The following TUFT1 variants were observed in gnomAD, a reference collection of about 807,000 sequenced individuals.
TUFT1 encodes the protein tuftelin.
In TUFT1, 43 loss-of-function variants were observed where a neutral mutation model predicts 57.8. That is an observed-to-expected ratio of 0.74 (90% CI 0.58 to 0.96). TUFT1 has a LOEUF of 0.96. Ranked by LOEUF, TUFT1 falls within the 40% of genes least tolerant of loss-of-function variation. The pLI, the probability that TUFT1 is intolerant of heterozygous loss-of-function variation, is 0.00. For synonymous variants in TUFT1, 166 were observed against 176.7 expected (o/e 0.94, Z 0.48); for missense variants, 459 against 489.0 (o/e 0.94, Z 0.58).
At chr1:151,562,391 C>T (rs1037923992) in intron 2 of TUFT1, 194 bp from the exon 3 acceptor site, 25 of 638,794 alleles carry the variant, frequency 3.9e-5, no homozygotes, top group Non-Finnish European at 6.8e-5. Context: ...TCTCCCTGGC[C>T]GGTGTTCTTG....
At position 151,540,309 on chromosome 1, in the gene TUFT1, A is replaced by G; in HGVS notation, c.-58A>G. ...GGGGCGGTTCCGCGCGCGCCCGCCC[A>G]GTTGGAGCCAGACAGCGGGGTGGAC... On this transcript the variant is annotated 5_prime_UTR_variant, in exon 1 of 13. Transcript: ENST00000368849. 1.2e-6 allele frequency: 2 copies of G among 1,611,024 alleles called. No individual in the cohort carries two copies. Among genetic ancestry groups the G allele is most frequent in the Admixed American group, 1.7e-5 (1 of 59,862 alleles).
chr1:151,561,956 G>A, intron 1 of TUFT1, 135 bp from the exon 2 acceptor site: 1 of 1,488,376 alleles, frequency 6.7e-7, no homozygotes, highest in Non-Finnish European at 9.1e-7. Flanking sequence ...CTGGACTTCA[G>A]TTTTCCTAGT....
At chr1:151,572,743 G>T (rs770770491) in intron 7 of TUFT1, among the ~76,000 whole-genome samples, 1 of 152,168 alleles carries the variant, frequency 6.6e-6, no homozygotes, top group East Asian at 1.9e-4. Flanking sequence ...TGTCAAGAAG[G>T]ATTTGCAGTG....
At chr1:151,570,393 T>C (rs1335228254) in intron 7 of TUFT1, among the ~76,000 whole-genome samples, 1 of 151,984 alleles carries the variant, frequency 6.6e-6, no homozygotes, top group Non-Finnish European at 1.5e-5. Context: ...GCAATTCTCC[T>C]GCCTCAGCCT....
Position 151,541,406 on chromosome 1 carries a change from T to C in TUFT1, c.60+980T>C, listed in dbSNP as rs189103594. ...TTTGTGGCTGAGTGTTTCTAGGCTC[T>C]TTTGGGGAACTTAACCCAGATTAGG... On this transcript the variant is annotated intron_variant, in intron 1 of 12. Transcript: ENST00000368849. 9.4e-4 allele frequency among the ~76,000 whole-genome samples: 143 copies of C among 152,320 alleles called. 2 individuals are homozygous for C. The East Asian group carries it at 0.026, about 28-fold the overall frequency.
chr1:151,541,179 G>A lies in TUFT1; in HGVS notation c.60+753G>A, dbSNP rs79198746. ...GCCAGGCCCTGGGATAGTGGAGGAAGGGGATGCAGAACCCGGGCCGAGAAG... is the reference window on the plus strand; with the variant it reads ...GCCAGGCCCTGGGATAGTGGAGGAAAGGGATGCAGAACCCGGGCCGAGAAG... On this transcript the variant is annotated intron_variant, in intron 1 of 12. Transcript: ENST00000368849. 6.4e-3 allele frequency among the ~76,000 whole-genome samples: 970 copies of A among 152,234 alleles called. 3 individuals carry two copies. Among genetic ancestry groups the A allele is most frequent in the African/African-American group, 0.018 (744 of 41,534 alleles).
At position 151,568,110 on chromosome 1, in the gene TUFT1, T is replaced by C. The variant is rs1571710006; in HGVS notation, c.481-1547T>C. On this transcript the variant is annotated intron_variant, in intron 6 of 12. Transcript: ENST00000368849. The stretch of plus-strand genomic sequence containing the variant: ...TTTTTTGTTTCTTTAGTTGGGTATG[T>C]TTTTGCATTCGGTGTTTTTGGCCCT... 3.3e-5 allele frequency among the ~76,000 whole-genome samples: 5 copies of C among 152,310 alleles called. No individual in the cohort carries two copies. In the East Asian group the frequency reaches 9.6e-4, roughly 29 times the overall value.
intron 2 of TUFT1, 165 bp from the exon 3 acceptor site, chr1:151,562,420 T>C (rs931558048): frequency 1.5e-6 from 1 of 678,022 alleles, no homozygotes; most frequent in African/African-American, 1.8e-5. Context: ...TGGCTTCTGT[T>C]AGAAGTTCGG....
intron 1 of TUFT1, among the ~76,000 whole-genome samples, chr1:151,541,097 A>G (rs1057481874): frequency 2.6e-5 from 4 of 151,914 alleles, no homozygotes; most frequent in African/African-American, 9.7e-5. Flanking sequence ...TCCTCCCTCT[A>G]TCTGCCTGCC....
At chr1:151,567,029 C>T (rs1226154566) in intron 6 of TUFT1, among the ~76,000 whole-genome samples, 1 of 151,652 alleles carries the variant, frequency 6.6e-6, no homozygotes, top group Non-Finnish European at 1.5e-5. Flanking sequence ...AGCAATCCTC[C>T]CACCTCAGCC....
intron 6 of TUFT1, among the ~76,000 whole-genome samples, chr1:151,567,069 G>T (rs929272365): frequency 2.0e-5 from 3 of 151,962 alleles, no homozygotes; most frequent in Non-Finnish European, 4.4e-5. Context: ...TAGGGCACGC[G>T]CCATTATGCC....
At chr1:151,553,021 T>G (rs1360249556) in intron 1 of TUFT1, among the ~76,000 whole-genome samples, 9 of 152,110 alleles carry the variant, frequency 5.9e-5, no homozygotes, top group Non-Finnish European at 1.5e-5. Context: ...CTCTAAGCAT[T>G]CCTTCCAGGT....
At chr1:151,562,764 G>GT in intron 3 of TUFT1, 78 bp downstream of exon 3, 7 of 1,269,210 alleles carry the variant, frequency 5.5e-6, no homozygotes, top group Non-Finnish European at 7.9e-6. Flanking sequence ...AGTTGATGTT[G>GT]TTGCCAAAGG....
Position 151,581,030 on chromosome 1 carries a change from A to G in TUFT1, c.1097A>G (p.Glu366Gly). 2.5e-6 allele frequency: 4 copies of G among 1,614,136 alleles called. No homozygotes were observed. The highest frequency in any genetic ancestry group is 3.4e-6 in the Non-Finnish European group (4 of 1,180,000). The change falls in exon 12 of 13, where the codon GAG (glutamate) becomes GGG (glycine). Residue 366 changes from glutamate to glycine, a missense_variant. Transcript: ENST00000368849. ...AGCACCCAGGCCCGGGCCAAGACAGAGAACCCGGGCAGGTGAGTGAGCGTG... is the reference window on the plus strand; with the variant it reads ...AGCACCCAGGCCCGGGCCAAGACAGGGAACCCGGGCAGGTGAGTGAGCGTG... Reference protein sequence around the residue: ...NFSTQARAKTENPGSIRISKP... With the variant: ...NFSTQARAKTGNPGSIRISKP...
chr1:151,566,313 T>A, intron 6 of TUFT1, 85 bp downstream of exon 6: 1 of 962,112 alleles, frequency 1.0e-6, no homozygotes, highest in Non-Finnish European at 1.6e-6. Context: ...TTGCTTTCTC[T>A]CTCTCTCTCT....
At chr1:151,565,528 T>C (rs1488668139) in intron 5 of TUFT1, among the ~76,000 whole-genome samples, 1 of 152,236 alleles carries the variant, frequency 6.6e-6, no homozygotes, top group Non-Finnish European at 1.5e-5. Flanking sequence ...AGGTAGGTCT[T>C]TCAGTGCTTG....
chr1:151,543,952 T>G (rs1241645869), intron 1 of TUFT1, among the ~76,000 whole-genome samples: 1 of 151,232 alleles, frequency 6.6e-6, no homozygotes, highest in East Asian at 2.0e-4. Flanking sequence ...CCTCCTTCCC[T>G]CTCTTCCTTC....
intron 1 of TUFT1, among the ~76,000 whole-genome samples, chr1:151,542,487 C>T (rs925843102): frequency 6.6e-6 from 1 of 152,108 alleles, no homozygotes; most frequent in Non-Finnish European, 1.5e-5. Context: ...CCACCTTGGC[C>T]TCCCAAAGGC....
At chr1:151,563,459 G>A (rs1665964537) in intron 3 of TUFT1, among the ~76,000 whole-genome samples, 1 of 152,140 alleles carries the variant, frequency 6.6e-6, no homozygotes, top group African/African-American at 2.4e-5. Context: ...ACAGTATTCA[G>A]TACAGTAACA....
Sources: allele counts gnomAD v4.1 joint callset (sites outside exome capture counted in the v4.1 genomes callset), GRCh38; gene constraint gnomAD v4.1.1; transcripts MANE v1.5; gene names NCBI Gene and HGNC (gene_info 2026-07-23, HGNC 2026-07-21).